The following UMAD1 variants were observed in gnomAD, a reference collection of about 807,000 sequenced individuals.
UMAD1 encodes the protein UBAP1-MVB12-associated (UMA) domain containing 1, also known as UBAP1-MVB12-associated (UMA)-domain containing protein 1.
Under a neutral mutation model 6.1 loss-of-function variants are expected in UMAD1, and 8 were observed. That is an observed-to-expected ratio of 1.30 (90% CI 0.76 to 2.35). UMAD1 has a LOEUF of 2.35. Ranked by LOEUF, UMAD1 falls within the 30% of genes most tolerant of loss-of-function variation. The pLI is 0.00. For missense variants in UMAD1, 130 were observed against 78.4 expected (o/e 1.66, Z -2.49); for synonymous variants, 56 against 31.4 (o/e 1.78, Z -2.61).
chr7:7,828,550 G>A (rs553884128), intron 3 of UMAD1, among the ~76,000 whole-genome samples: 35 of 152,298 alleles, frequency 2.3e-4, no homozygotes, highest in African/African-American at 8.2e-4. Context: ...TCAACCCATA[G>A]GGACCCCATC....
intron 2 of UMAD1, among the ~76,000 whole-genome samples, chr7:7,756,313 A>T (rs556248929): frequency 2.4e-4 from 36 of 152,296 alleles, no homozygotes; most frequent in African/African-American, 8.7e-4. Context: ...GAGAGTTGAG[A>T]ATTAAAGTGT....
At chr7:7,804,051 T>C (rs1019899808) in intron 3 of UMAD1, among the ~76,000 whole-genome samples, 11 of 152,256 alleles carry the variant, frequency 7.2e-5, no homozygotes, top group Non-Finnish European at 1.5e-4. Context: ...TGCTACTTTC[T>C]AGTCTCTCTA....
rs374049250 is a variant in UMAD1 at position 7,743,076 on chromosome 7, G to T, written c.83-58594G>T. ...TGAAGAAGGTGGTGTGTATTTAAATGTTACTTTTAGTTTATTCACATGAAT... is the reference window on the plus strand; with the variant it reads ...TGAAGAAGGTGGTGTGTATTTAAATTTTACTTTTAGTTTATTCACATGAAT... On this transcript the variant is annotated intron_variant, in intron 2 of 3. Transcript: ENST00000682710. 7.4e-4 allele frequency among the ~76,000 whole-genome samples: 112 copies of T among 152,212 alleles called. 3 individuals are homozygous for T. In the South Asian group the frequency reaches 0.011, roughly 16 times the overall value.
At chr7:7,731,364 G>A (rs1371575799) in intron 2 of UMAD1, among the ~76,000 whole-genome samples, 2 of 152,018 alleles carry the variant, frequency 1.3e-5, no homozygotes, top group East Asian at 3.9e-4. Flanking sequence ...AAAGGAAACA[G>A]GTTAGAGGAC....
chr7:7,819,442 T>TTTATA (rs1783199384), intron 3 of UMAD1, among the ~76,000 whole-genome samples: 1 of 152,194 alleles, frequency 6.6e-6, no homozygotes, highest in Non-Finnish European at 1.5e-5. Context: ...ATGTGATTTC[T>TTTATA]GCAGGGTCTC....
At chr7:7,783,185 C>T (rs553547736) in intron 2 of UMAD1, among the ~76,000 whole-genome samples, 1 of 152,294 alleles carries the variant, frequency 6.6e-6, no homozygotes, top group South Asian at 2.1e-4. Flanking sequence ...GCTGGTTGCA[C>T]CCATCTTGTC....
At chr7:7,772,416 A>C (rs780199924) in intron 2 of UMAD1, 5 of 152,204 alleles carry the variant, frequency 3.3e-5, no homozygotes, top group Non-Finnish European at 7.3e-5. Context: ...CTTGCTTTGA[A>C]AGGTAGGCGG....
chr7:7,720,467 G>C (rs1035563294), intron 2 of UMAD1, among the ~76,000 whole-genome samples: 2 of 151,924 alleles, frequency 1.3e-5, no homozygotes, highest in Non-Finnish European at 2.9e-5. Flanking sequence ...ATCTAAACTT[G>C]AGAAACACCC....
chr7:7,827,137 A>G (rs200591975), intron 3 of UMAD1, among the ~76,000 whole-genome samples: 35,212 of 128,086 alleles, frequency 0.27, 4,751 homozygotes, highest in African/African-American at 0.35. Flanking sequence ...ATATATATAT[A>G]TATATATATA....
At chr7:7,838,548 C>T (rs914284917) in intron 3 of UMAD1, among the ~76,000 whole-genome samples, 1 of 152,166 alleles carries the variant, frequency 6.6e-6, no homozygotes, top group Non-Finnish European at 1.5e-5. Context: ...AATAATCTGG[C>T]ATTTCTTCAT....
chr7:7,704,634 C>T (rs929180474), intron 2 of UMAD1, among the ~76,000 whole-genome samples: 1 of 148,200 alleles, frequency 6.7e-6, no homozygotes, highest in African/African-American at 2.5e-5. Context: ...TGGGCATGGT[C>T]ATGCACGTCT....
chr7:7,703,305 A>G (rs1196694874), intron 2 of UMAD1, among the ~76,000 whole-genome samples: 1 of 152,184 alleles, frequency 6.6e-6, no homozygotes, highest in Non-Finnish European at 1.5e-5. Flanking sequence ...GTGTGTTCTC[A>G]TTTAAGGTTG....
intron 1 of UMAD1, among the ~76,000 whole-genome samples, chr7:7,643,604 C>T (rs772029002): frequency 2.6e-5 from 4 of 151,520 alleles, no homozygotes; most frequent in African/African-American, 4.9e-5. Context: ...CCCAGCTACT[C>T]GGGAGGCTGA....
At chr7:7,644,337 C>T (rs1408961704) in intron 1 of UMAD1, among the ~76,000 whole-genome samples, 5 of 145,844 alleles carry the variant, frequency 3.4e-5, no homozygotes, top group African/African-American at 5.1e-5. Flanking sequence ...CTTTCCGTTT[C>T]CTTCCTTCAT....
intron 3 of UMAD1, among the ~76,000 whole-genome samples, chr7:7,819,080 C>T (rs1301175588): frequency 6.6e-6 from 1 of 152,096 alleles, no homozygotes; most frequent in Non-Finnish European, 1.5e-5. Flanking sequence ...GAACTCCTGA[C>T]CCCAGGTGAT....
chr7:7,726,697 A>G (rs1781143837), intron 2 of UMAD1, among the ~76,000 whole-genome samples: 1 of 152,168 alleles, frequency 6.6e-6, no homozygotes, highest in African/African-American at 2.4e-5. Context: ...TGTTAGTTCC[A>G]GATAGAGATG....
intron 1 of UMAD1, among the ~76,000 whole-genome samples, chr7:7,658,260 A>G (rs951779640): frequency 2.7e-4 from 41 of 152,224 alleles, no homozygotes; most frequent in Non-Finnish European, 4.1e-4. Flanking sequence ...CTGCAAACAG[A>G]GACAATTTGG....
intron 2 of UMAD1, among the ~76,000 whole-genome samples, chr7:7,731,635 C>A (rs750987308): frequency 9.2e-5 from 14 of 152,036 alleles, no homozygotes; most frequent in Non-Finnish European, 1.9e-4. Flanking sequence ...TGCTAAATTG[C>A]CTATTTGTTT....
intron 2 of UMAD1, among the ~76,000 whole-genome samples, chr7:7,695,115 G>T (rs1364304222): frequency 1.3e-5 from 2 of 152,128 alleles, no homozygotes; most frequent in African/African-American, 4.8e-5. Context: ...TTGTAATTAT[G>T]ATTTGCTTTC....
Sources: gnomAD v4.1 joint callset for allele counts (sites outside exome capture counted in the v4.1 genomes callset) on GRCh38, gnomAD v4.1.1 for gene constraint, MANE v1.5 for transcripts, NCBI Gene and HGNC (gene_info 2026-07-23, HGNC 2026-07-21) for gene names.